POLA1: variants seen among roughly 807,000 people sequenced by gnomAD.
POLA1 encodes DNA polymerase alpha 1, catalytic subunit.
POLA1 carries 15 observed loss-of-function variants against 124.0 expected under a neutral mutation model. The ratio of observed to expected loss-of-function variants is 0.12; its 90% CI spans 0.08 to 0.19. POLA1 has a LOEUF of 0.19. Ranked by LOEUF, POLA1 falls within the 10% of genes least tolerant of loss-of-function variation. The pLI, the probability that POLA1 is intolerant of heterozygous loss-of-function variation, is 1.00. For synonymous variants in POLA1, 408 were observed against 389.4 expected (o/e 1.05, Z -0.56); for missense variants, 886 against 1,103.4 (o/e 0.80, Z 2.79).
At position 24,810,763 on chromosome X, in the gene POLA1, G is replaced by A. The variant is rs774187776; in HGVS notation, c.3053G>A (p.Ser1018Asn). 26 of 1,087,448 alleles carry A rather than the reference G, an allele frequency of 2.4e-5. No homozygotes were observed. Among genetic ancestry groups the A allele is most frequent in the Non-Finnish European group, 3.0e-5 (24 of 790,770 alleles). The allele number at this position is 1,087,448 out of a possible 1,213,427, so 89.6% of individuals were successfully genotyped here. ...DTDSIMINTN[S>N]TNLEEVFKLG... is the part of the protein sequence containing the mutation. ...GATTCAATTATGATAAACACCAATA[G>A]CACCAATCTGGAAGAAGTATTTAAG... The change falls in exon 28 of 37, where the codon AGC becomes AAC. Residue 1018 changes from serine to asparagine, a missense_variant. Ser to Asn is a conservative substitution (Grantham distance 46). This residue lies in a region of POLA1 where 313 missense variants were observed against 359.7 expected (regional missense o/e 0.87). Coordinates refer to ENST00000379068, the MANE Select transcript of POLA1 (RefSeq NM_001330360.2).
chrX:24,749,150 T>C (rs768432518), intron 26 of POLA1, among the ~76,000 whole-genome samples, 158 bp downstream of exon 26: 1 of 111,737 alleles, frequency 8.9e-6, no homozygotes, highest in Non-Finnish European at 1.9e-5. Context: ...GGCATTTAAA[T>C]AAGGTTTCAT....
chrX:24,967,581 A>G (rs954868030), intron 36 of POLA1, among the ~76,000 whole-genome samples: 2 of 110,586 alleles, frequency 1.8e-5, no homozygotes, highest in African/African-American at 3.3e-5. Flanking sequence ...GGATCGCTTG[A>G]ACCTGGGAGG....
Position 24,782,516 on chromosome X carries a change from C to T in POLA1, c.2965-27382C>T, listed in dbSNP as rs186973839. On this transcript the variant is annotated intron_variant, in intron 26 of 36. Transcript: ENST00000379068. ...CACCTTTGGAAACATGTAGAGGCTT[C>T]CAAATTCTGAGCTTAGGTACACACC... 1.4e-4 allele frequency among the ~76,000 whole-genome samples: 16 copies of T among 111,966 alleles called. No individual in the cohort carries two copies. The East Asian group carries it at 4.5e-3, about 31-fold the overall frequency.
At chrX:24,914,739 C>T (rs1190349145) in intron 35 of POLA1, among the ~76,000 whole-genome samples, 3 of 111,337 alleles carry the variant, frequency 2.7e-5, no homozygotes, top group Non-Finnish European at 5.7e-5. Flanking sequence ...ACATAAACAT[C>T]GATTTGTTTA....
intron 15 of POLA1, among the ~76,000 whole-genome samples, chrX:24,728,695 G>C (rs1166764974): frequency 9.0e-6 from 1 of 111,599 alleles, no homozygotes; most frequent in African/African-American, 3.3e-5. Context: ...TCTATACCAG[G>C]GGTTGGCAGG....
chrX:24,710,446 A>G (rs1045022361), intron 4 of POLA1, among the ~76,000 whole-genome samples: 3 of 111,829 alleles, frequency 2.7e-5, no homozygotes, highest in Non-Finnish European at 5.6e-5. Flanking sequence ...TTCAAGTAGC[A>G]TGTATCAGTA....
chrX:24,861,975 C>CT lies in POLA1; in HGVS notation c.4047+18306dup, dbSNP rs748901565. On this transcript the variant is annotated intron_variant, in intron 34 of 36. Transcript: ENST00000379068. ...TTTGATAATGCTGGCTATATGCACA[C>CT]TTTTTTTTAAGTCAGGAATCGTTCC... Among the ~76,000 whole-genome samples, 7 of 111,338 alleles carry CT rather than the reference C, an allele frequency of 6.3e-5. No individual in the cohort carries two copies. The South Asian group carries it at 2.3e-3, about 36-fold the overall frequency.
At chrX:24,980,520 C>T (rs2048409316) in intron 36 of POLA1, among the ~76,000 whole-genome samples, 1 of 112,240 alleles carries the variant, frequency 8.9e-6, no homozygotes, top group South Asian at 3.7e-4. Context: ...TTACAATAAA[C>T]ACAAGATTTC....
At chrX:24,973,043 G>C (rs1400855681) in intron 36 of POLA1, among the ~76,000 whole-genome samples, 1 of 112,102 alleles carries the variant, frequency 8.9e-6, no homozygotes, top group African/African-American at 3.2e-5. Flanking sequence ...AGATCTGGTG[G>C]AGTCCGTGAT....
chrX:24,935,846 G>A (rs1322910605), intron 36 of POLA1, among the ~76,000 whole-genome samples: 1 of 112,480 alleles, frequency 8.9e-6, no homozygotes, highest in East Asian at 2.8e-4. Flanking sequence ...AGGCAGCAGT[G>A]GATTGTGCTC....
intron 15 of POLA1, among the ~76,000 whole-genome samples, chrX:24,730,036 A>G (rs1930799758): frequency 9.0e-6 from 1 of 110,794 alleles, no homozygotes; most frequent in Non-Finnish European, 1.9e-5. Context: ...ACCTCAAGTG[A>G]TCTGCCCACC....
intron 34 of POLA1, among the ~76,000 whole-genome samples, chrX:24,878,643 C>T (rs2046964801): frequency 9.1e-6 from 1 of 109,363 alleles, no homozygotes; most frequent in Non-Finnish European, 1.9e-5. Context: ...ACAAATGATA[C>T]TAATACTACT....
At position 24,792,915 on chromosome X, in the gene POLA1, G is replaced by A. The variant is rs192197198; in HGVS notation, c.2965-16983G>A. ...GGCTGACGGAAATTCAACTTTGAGC[G>A]TTATTAATATGTCATGGTCAAAGAG... On this transcript the variant is annotated intron_variant, in intron 26 of 36. Transcript: ENST00000379068. 1.3e-4 allele frequency among the ~76,000 whole-genome samples: 14 copies of A among 111,411 alleles called. No individual in the cohort carries two copies. In the East Asian group the frequency reaches 1.7e-3, roughly 13 times the overall value.
intron 26 of POLA1, among the ~76,000 whole-genome samples, chrX:24,801,716 A>G (rs2045707229): frequency 9.0e-6 from 1 of 111,637 alleles, no homozygotes; most frequent in Non-Finnish European, 1.9e-5. Context: ...CAAAGTACAT[A>G]CATCGTTAAA....
In POLA1 at chrX:24,912,220, C is replaced by G. The variant is rs748161909; in HGVS notation, c.4165-18233C>G. Among the ~76,000 whole-genome samples the G allele has an allele frequency of 1.1e-4, 12 of 112,313 alleles. No homozygotes were observed. In the South Asian group the frequency reaches 4.1e-3, roughly 38 times the overall value. On this transcript the variant is annotated intron_variant, in intron 35 of 36. Transcript: ENST00000379068. ...AGCTCATACCTTATACAAAAATTAA[C>G]TCCAAATATATCGTAGGTGTAAATG... is the stretch of plus-strand genomic sequence containing the variant.
chrX:24,983,097 A>G (rs2048440740), intron 36 of POLA1, among the ~76,000 whole-genome samples: 1 of 111,898 alleles, frequency 8.9e-6, no homozygotes, highest in Admixed American at 9.5e-5. Flanking sequence ...TGTTGTCTCT[A>G]ATGGATTTTT....
At chrX:24,960,589 A>T (rs1001117961) in intron 36 of POLA1, among the ~76,000 whole-genome samples, 4 of 112,156 alleles carry the variant, frequency 3.6e-5, no homozygotes, top group African/African-American at 1.3e-4. Context: ...AAACAGGAGG[A>T]TGTTAGATAA....
At chrX:24,973,395 A>AAG (rs11573515) in intron 36 of POLA1, among the ~76,000 whole-genome samples, 5 of 110,518 alleles carry the variant, frequency 4.5e-5, no homozygotes, top group East Asian at 2.8e-4. Context: ...AAGAAAAAGA[A>AAG]AGAGAGAGAG....
intron 35 of POLA1, among the ~76,000 whole-genome samples, chrX:24,917,018 G>C (rs1157425153): frequency 2.7e-5 from 3 of 112,161 alleles, no homozygotes; most frequent in Non-Finnish European, 5.6e-5. Context: ...AAAAAGAAAA[G>C]GCAGGCTGGG....
Sources: gnomAD v4.1 joint callset for allele counts (sites outside exome capture counted in the v4.1 genomes callset) on GRCh38, gnomAD v4.1.1 for gene constraint, gnomAD v4.1.1 regional missense constraint, MANE v1.5 for transcripts, NCBI Gene and HGNC (gene_info 2026-07-23, HGNC 2026-07-21) for gene names.